The following TSHZ1 variants were observed in gnomAD, a reference collection of about 807,000 sequenced individuals.
The protein encoded by TSHZ1 is teashirt zinc finger homeobox 1.
In TSHZ1, 12 loss-of-function variants were observed where a neutral mutation model predicts 67.1. That is an observed-to-expected ratio of 0.18 (90% CI 0.11 to 0.29). The LOEUF (loss-of-function observed/expected upper bound fraction) is 0.29, where lower values mean the gene tolerates loss of function less well. TSHZ1 is among the 10% of genes least tolerant of loss of function. The probability of loss-of-function intolerance (pLI) is 1.00; values close to 1 mark genes in which losing one functional copy is unlikely to be tolerated. For missense variants in TSHZ1, 1,305 were observed against 1,413.9 expected, an observed-to-expected ratio of 0.92 and a Z score of 1.23; for synonymous variants, 632 against 622.4, an observed-to-expected ratio of 1.02 and a Z score of -0.23.
chr18:75,268,282 T>C (rs1449752690), intron 1 of TSHZ1, among the ~76,000 whole-genome samples: 3 of 152,216 alleles, frequency 2.0e-5, no homozygotes, highest in East Asian at 3.8e-4. Context: ...TGTATTTTCA[T>C]TGACATGCCG....
rs542935395 is a variant in TSHZ1 at position 75,260,185 on chromosome 18, C to T, written c.41-25263C>T. Among the ~76,000 whole-genome samples, 8 of 152,372 alleles carry T rather than the reference C, an allele frequency of 5.3e-5. No individual in the cohort carries two copies. In the South Asian group the frequency reaches 8.3e-4, roughly 16 times the overall value. ...TGCCCCAGGCCAGCCTCTTAGCCTG[C>T]GGCTTCTCGTGTTTCCCTGGCCTTC... On this transcript the variant is annotated intron_variant, in intron 1 of 1. Coordinates refer to ENST00000580243, the MANE Select transcript of TSHZ1 (RefSeq NM_001308210.2).
At chr18:75,214,723 A>G (rs1460927845) in intron 1 of TSHZ1, among the ~76,000 whole-genome samples, 4 of 152,236 alleles carry the variant, frequency 2.6e-5, no homozygotes, top group African/African-American at 2.4e-5. Flanking sequence ...TGTAAAAAAA[A>G]TAAAGAAATA....
rs577447028 is a variant in TSHZ1 at position 75,260,849 on chromosome 18, C to A, written c.41-24599C>A. ...CAGGGAAGCCTTACCTCTCCAAGTT[C>A]GAGGCACCCACAGGTGGCTTGACTT... On this transcript the variant is annotated intron_variant, in intron 1 of 1. Transcript: ENST00000580243. Among the ~76,000 whole-genome samples, 3 of 152,264 alleles carry A rather than the reference C, an allele frequency of 2.0e-5. No homozygotes were observed. In the East Asian group the frequency reaches 5.8e-4, roughly 29 times the overall value.
intron 1 of TSHZ1, among the ~76,000 whole-genome samples, chr18:75,272,026 T>C (rs2023564525): frequency 6.6e-6 from 1 of 152,206 alleles, no homozygotes; most frequent in African/African-American, 2.4e-5. Context: ...TGGTAATTTG[T>C]ATAAGTAATG....
At chr18:75,245,401 G>C (rs933451697) in intron 1 of TSHZ1, 29 of 152,154 alleles carry the variant, frequency 1.9e-4, no homozygotes, top group African/African-American at 6.8e-4. Flanking sequence ...ATTTTTAAGG[G>C]TATGTCAGTG....
At chr18:75,231,914 T>TTTAG (rs998167913) in intron 1 of TSHZ1, among the ~76,000 whole-genome samples, 1 of 151,672 alleles carries the variant, frequency 6.6e-6, no homozygotes, top group African/African-American at 2.4e-5. Flanking sequence ...TGATGCCTTA[T>TTTAG]TTATTTATTT....
At chr18:75,227,922 ACAGT>A (rs2022946584) in intron 1 of TSHZ1, among the ~76,000 whole-genome samples, 2 of 152,258 alleles carry the variant, frequency 1.3e-5, no homozygotes, top group Non-Finnish European at 2.9e-5. Context: ...GGTCTGGAAG[ACAGT>A]CACGTTCCCC....
intron 1 of TSHZ1, among the ~76,000 whole-genome samples, chr18:75,241,544 G>A (rs2023157136): frequency 2.0e-5 from 3 of 152,114 alleles, no homozygotes; most frequent in Admixed American, 6.5e-5. Flanking sequence ...TGATGTCCGC[G>A]GATGGGAAGG....
intron 1 of TSHZ1, among the ~76,000 whole-genome samples, chr18:75,243,374 G>A (rs2023181608): frequency 6.6e-6 from 1 of 152,190 alleles, no homozygotes; most frequent in African/African-American, 2.4e-5. Flanking sequence ...CTTGCCCTCA[G>A]TGAGCTTGCA....
chr18:75,222,621 T>A (rs889227970), intron 1 of TSHZ1, among the ~76,000 whole-genome samples: 2 of 152,062 alleles, frequency 1.3e-5, no homozygotes, highest in African/African-American at 4.8e-5. Flanking sequence ...GGAGGGGGTT[T>A]TCGTCCTCCT....
chr18:75,288,364 T>G lies in TSHZ1; in HGVS notation c.2957T>G (p.Ile986Arg). The G allele has an allele frequency of 1.2e-6, 2 of 1,614,206 alleles. No individual in the cohort carries two copies. Among genetic ancestry groups the G allele is most frequent in the East Asian group, 4.5e-5 (2 of 44,880 alleles). ...CAGTTCAGAACTGCTTCTACATACA[T>G]AAGTCATTTGGAGACACACTTGGGC... Reference protein sequence around the residue: ...ASQFRTASTYISHLETHLGFS... With the variant: ...ASQFRTASTYRSHLETHLGFS... The change falls in exon 2 of 2, where the codon ATA becomes AGA. Residue 986 changes from isoleucine (I) to arginine (R), a missense_variant. Ile to Arg is a moderately conservative substitution (Grantham distance 97). This residue lies in a region of TSHZ1 where 909 missense variants were observed against 961.8 expected (regional missense o/e 0.95). Coordinates refer to ENST00000580243, the MANE Select transcript of TSHZ1 (RefSeq NM_001308210.2). This position sits in a 1 kb window ranked among gnomAD's most constrained non-coding sequence, Gnocchi z 4.9.
rs1443545449 is a variant in TSHZ1 at position 75,285,914 on chromosome 18, C to T, written c.507C>T (p.Gly169=). 1 of 1,428,734 alleles carries T rather than the reference C, an allele frequency of 7.0e-7. No homozygotes were observed. The highest frequency in any genetic ancestry group is 1.2e-5 in the South Asian group (1 of 81,696). The allele number at this position is 1,428,734 out of a possible 1,614,324, so 88.5% of individuals were successfully genotyped here. The change falls in exon 2 of 2, where the codon GGC becomes GGT. Residue 169 remains glycine (G), a synonymous_variant. Transcript: ENST00000580243. Reference sequence around the variant, plus strand: ...CCACCTGCCCCGTCAGCACCACTGGCCCCACCACGAGCACGCCCAGCACCA... The same window carrying T: ...CCACCTGCCCCGTCAGCACCACTGGTCCCACCACGAGCACGCCCAGCACCA... ...TPPTCPVSTT[G]PTTSTPSTSC... is the part of the protein sequence containing the mutation.
chr18:75,251,548 G>T, intron 1 of TSHZ1, among the ~76,000 whole-genome samples: 1 of 140,206 alleles, frequency 7.1e-6, no homozygotes, highest in Non-Finnish European at 1.5e-5. Context: ...CTGCAAACCT[G>T]TTTTCAAAAT....
At chr18:75,265,347 G>A (rs1314930805) in intron 1 of TSHZ1, among the ~76,000 whole-genome samples, 2 of 152,126 alleles carry the variant, frequency 1.3e-5, no homozygotes, top group Non-Finnish European at 2.9e-5. Flanking sequence ...TTTGGGCTGC[G>A]TCCTGATGGT....
At chr18:75,262,040 G>A (rs111898676) in intron 1 of TSHZ1, among the ~76,000 whole-genome samples, 51 of 152,248 alleles carry the variant, frequency 3.3e-4, no homozygotes, top group South Asian at 2.3e-3. Flanking sequence ...TGCTGGTTTC[G>A]ATGAGATGGT....
intron 1 of TSHZ1, among the ~76,000 whole-genome samples, chr18:75,253,590 T>C (rs1171027236): frequency 6.6e-6 from 1 of 152,244 alleles, no homozygotes; most frequent in Admixed American, 6.5e-5. Context: ...TTATTTACCC[T>C]GGAAAAGGAA....
At position 75,286,694 on chromosome 18, in the gene TSHZ1, G is replaced by A. The variant is rs1171235582; in HGVS notation, c.1287G>A (p.Gln429=). 1.9e-6 allele frequency: 3 copies of A among 1,614,096 alleles called. No individual in the cohort carries two copies. The highest frequency in any genetic ancestry group is 2.2e-5 in the East Asian group (1 of 44,872). The change falls in exon 2 of 2, where the codon CAG becomes CAA. Residue 429 remains glutamine (Q), a synonymous_variant. Transcript: ENST00000580243. The surrounding 1 kb of genome is among the most constrained non-coding windows in gnomAD (Gnocchi z 5.1). The stretch of plus-strand genomic sequence containing the variant: ...GTGGCAGCTCCCACGACACGCTGCA[G>A]CAGCTCACCGCCCACATGATGGTCA... The part of the protein sequence containing the change: ...MECGSSHDTL[Q]QLTAHMMVTG...
At position 75,211,321 on chromosome 18, in the gene TSHZ1, C is replaced by T. The variant is rs1239219947; in HGVS notation, c.-556C>T. 2 of 152,086 alleles carry T rather than the reference C, an allele frequency of 1.3e-5. No individual in the cohort carries two copies. Among genetic ancestry groups the T allele is most frequent in the Non-Finnish European group, 2.9e-5 (2 of 68,050 alleles). 9.4% of individuals were successfully genotyped at this position (152,086 alleles called of 1,614,324 possible). Reference sequence around the variant, plus strand: ...TAAGTGCGGGGAGGAAAAGGACAGCCTGCATCGGCCTCGCTGGCGCACAAT... The same window carrying T: ...TAAGTGCGGGGAGGAAAAGGACAGCTTGCATCGGCCTCGCTGGCGCACAAT... On this transcript the variant is annotated 5_prime_UTR_variant, in exon 1 of 2. Transcript: ENST00000580243.
intron 1 of TSHZ1, among the ~76,000 whole-genome samples, chr18:75,268,148 G>A (rs989801160): frequency 2.6e-5 from 4 of 152,188 alleles, no homozygotes; most frequent in Admixed American, 2.0e-4. Context: ...TGGCTGTCCA[G>A]GGTTTTATTA....
Sources: gnomAD v4.1 joint callset for allele counts (sites outside exome capture counted in the v4.1 genomes callset) on GRCh38, gnomAD v4.1.1 for gene constraint, gnomAD v4.1.1 regional missense constraint, Gnocchi (gnomAD v3.1) non-coding constraint, MANE v1.5 for transcripts, NCBI Gene and HGNC (gene_info 2026-07-23, HGNC 2026-07-21) for gene names.